The following RBMS3 variants were observed in gnomAD, a reference collection of about 807,000 sequenced individuals.
The protein encoded by RBMS3 is RNA-binding motif, single-stranded-interacting protein 3.
Under a neutral mutation model 66.8 loss-of-function variants are expected in RBMS3, and 27 were observed. The ratio of observed to expected loss-of-function variants is 0.40; its 90% CI spans 0.30 to 0.56. The LOEUF (loss-of-function observed/expected upper bound fraction) is 0.56, where lower values mean the gene tolerates loss of function less well. RBMS3 is among the 20% of genes least tolerant of loss of function. RBMS3 has a pLI of 0.40. For missense variants in RBMS3, 513 were observed against 549.5 expected, an observed-to-expected ratio of 0.93 and a Z score of 0.66; for synonymous variants, 188 against 183.0, an observed-to-expected ratio of 1.03 and a Z score of -0.22.
At chr3:29,701,666 C>T (rs377460945) in intron 4 of RBMS3, among the ~76,000 whole-genome samples, 2 of 151,966 alleles carry the variant, frequency 1.3e-5, no homozygotes. Context: ...GGCCCGCACT[C>T]GGAGAGGCTG....
At chr3:29,678,432 A>G (rs541207090) in intron 4 of RBMS3, among the ~76,000 whole-genome samples, 2 of 152,272 alleles carry the variant, frequency 1.3e-5, no homozygotes, top group East Asian at 3.9e-4. Context: ...AAAAGTCTGA[A>G]AGAAGATTTA....
chr3:29,681,622 G>A lies in RBMS3; in HGVS notation c.400-58098G>A, dbSNP rs187226590. ...ACACAGTGTTTGGTTTTCTGTTCCC[G>A]CGTTAGTTTGCTGAGGATAATGGCT... is the stretch of plus-strand genomic sequence containing the variant. On this transcript the variant is annotated intron_variant, in intron 4 of 14. Coordinates refer to ENST00000383767, the MANE Select transcript of RBMS3 (RefSeq NM_001003793.3). Among the ~76,000 whole-genome samples, 85 of 151,804 alleles carry A rather than the reference G, an allele frequency of 5.6e-4. 3 individuals are homozygous for A. Among genetic ancestry groups the A allele is most frequent in the African/African-American group, 1.6e-3 (65 of 41,346 alleles).
intron 1 of RBMS3, among the ~76,000 whole-genome samples, chr3:29,357,949 A>T (rs1001805082): frequency 6.6e-6 from 1 of 152,094 alleles, no homozygotes; most frequent in Non-Finnish European, 1.5e-5. Flanking sequence ...TCTGGATATT[A>T]ACCCTTTGTC....
At chr3:29,880,888 C>T (rs2059721903) in intron 7 of RBMS3, 2 of 1,436,266 alleles carry the variant, frequency 1.4e-6, no homozygotes, top group African/African-American at 1.4e-5. Context: ...CTCCACCTCC[C>T]TCTCCCAAGG....
intron 4 of RBMS3, among the ~76,000 whole-genome samples, chr3:29,609,026 G>T (rs186094525): frequency 1.3e-5 from 2 of 152,090 alleles, no homozygotes; most frequent in East Asian, 3.9e-4. Flanking sequence ...CTATCTGAAT[G>T]TTGTAGAACT....
intron 4 of RBMS3, among the ~76,000 whole-genome samples, chr3:29,664,444 C>T (rs903780086): frequency 5.9e-5 from 9 of 151,968 alleles, no homozygotes; most frequent in Non-Finnish European, 8.8e-5. Context: ...GCCGAGATGG[C>T]ACGACTGCAC....
intron 6 of RBMS3, among the ~76,000 whole-genome samples, chr3:29,840,011 T>G (rs2149501288): frequency 1.3e-5 from 2 of 152,186 alleles, no homozygotes; most frequent in South Asian, 4.1e-4. Context: ...TAATTCTCTA[T>G]AGTTTCCATT....
intron 12 of RBMS3, among the ~76,000 whole-genome samples, chr3:29,975,007 TA>T: frequency 9.6e-6 from 1 of 103,766 alleles, no homozygotes; most frequent in African/African-American, 3.8e-5. Context: ...TTTCTATATT[TA>T]TTTTATATAT....
At position 29,559,933 on chromosome 3, in the gene RBMS3, G is replaced by A. The variant is rs559732501; in HGVS notation, c.308-27181G>A. Among the ~76,000 whole-genome samples, 27 of 152,228 alleles carry A rather than the reference G, an allele frequency of 1.8e-4. No homozygotes were observed. The South Asian group carries it at 5.4e-3, about 30-fold the overall frequency. On this transcript the variant is annotated intron_variant, in intron 3 of 14. Transcript: ENST00000383767. ...AGATAGAGTGTCTCCTGGGTGCAGG[G>A]CATTCTGACATACAAAAGCATCTTA...
At position 29,441,048 on chromosome 3, in the gene RBMS3, G is replaced by T. The variant is rs538317508; in HGVS notation, c.248+6133G>T. 1.4e-4 allele frequency among the ~76,000 whole-genome samples: 22 copies of T among 152,104 alleles called. No homozygotes were observed. The South Asian group carries it at 4.6e-3, about 31-fold the overall frequency. ...AAAAGTTTCCTCTAATAAGACCCTA[G>T]GAAATTTATTAGTAGCTGTCTTCTG... On this transcript the variant is annotated intron_variant, in intron 2 of 14. Transcript: ENST00000383767.
At chr3:29,355,757 C>A (rs2037189798) in intron 1 of RBMS3, among the ~76,000 whole-genome samples, 1 of 151,632 alleles carries the variant, frequency 6.6e-6, no homozygotes, top group Admixed American at 6.6e-5. Flanking sequence ...TTTTTTTCCC[C>A]CACAAAGAAA....
At chr3:29,688,294 T>C (rs1337998873) in intron 4 of RBMS3, among the ~76,000 whole-genome samples, 1 of 152,146 alleles carries the variant, frequency 6.6e-6, no homozygotes, top group African/African-American at 2.4e-5. Flanking sequence ...TATTTGCCTT[T>C]GCAGTGATCC....
chr3:29,816,165 G>A (rs868011845), intron 6 of RBMS3, among the ~76,000 whole-genome samples: 2 of 152,016 alleles, frequency 1.3e-5, no homozygotes, highest in African/African-American at 4.8e-5. Flanking sequence ...CTCTTTAAGG[G>A]CCTCTCAGTC....
chr3:29,490,271 G>A (rs2043492495), intron 3 of RBMS3, among the ~76,000 whole-genome samples: 1 of 151,466 alleles, frequency 6.6e-6, no homozygotes, highest in South Asian at 2.1e-4. Flanking sequence ...TATAAAGGGA[G>A]GGAGTGGAAA....
At chr3:29,382,631 C>T (rs1323673911) in intron 1 of RBMS3, among the ~76,000 whole-genome samples, 2 of 152,174 alleles carry the variant, frequency 1.3e-5, no homozygotes, top group African/African-American at 2.4e-5. Context: ...GGAAGCAACA[C>T]GCTGTTTTGA....
intron 1 of RBMS3, among the ~76,000 whole-genome samples, chr3:29,295,344 T>TAC (rs1230884878): frequency 9.0e-5 from 13 of 143,838 alleles, no homozygotes; most frequent in Admixed American, 2.8e-4. Flanking sequence ...CATATATATA[T>TAC]ACATATATAT....
chr3:29,408,353 C>T (rs2040118998), intron 1 of RBMS3, among the ~76,000 whole-genome samples: 1 of 149,828 alleles, frequency 6.7e-6, no homozygotes, highest in South Asian at 2.1e-4. Flanking sequence ...AATCACAGAT[C>T]TCTTTTGACT....
intron 1 of RBMS3, among the ~76,000 whole-genome samples, chr3:29,410,713 A>G (rs35815385): frequency 0.18 from 26,894 of 152,240 alleles, 2,900 homozygotes; most frequent in Non-Finnish European, 0.25. Context: ...TTACTTTTTA[A>G]GCACAAGAAA....
chr3:29,768,086 C>T (rs1438215583), intron 6 of RBMS3, among the ~76,000 whole-genome samples: 1 of 151,926 alleles, frequency 6.6e-6, no homozygotes, highest in Non-Finnish European at 1.5e-5. Flanking sequence ...ATGTAATCCC[C>T]AATTGGGTAT....
Sources: allele counts gnomAD v4.1 joint callset (sites outside exome capture counted in the v4.1 genomes callset), GRCh38; gene constraint gnomAD v4.1.1; transcripts MANE v1.5; gene names NCBI Gene and HGNC (gene_info 2026-07-23, HGNC 2026-07-21).